Variants in CBR4 observed in about 807,000 individuals in gnomAD.
The protein encoded by CBR4 is 3-oxoacyl-[acyl-carrier-protein] reductase.
CBR4 carries 22 observed loss-of-function variants against 21.0 expected under a neutral mutation model. That is an observed-to-expected ratio of 1.05 (90% CI 0.75 to 1.50). The LOEUF (loss-of-function observed/expected upper bound fraction) is 1.50. CBR4 is among the 40% of genes most tolerant of loss of function. The probability of loss-of-function intolerance (pLI) is 0.00; values close to 1 mark genes in which losing one functional copy is unlikely to be tolerated. For missense variants in CBR4, 302 were observed against 286.3 expected (o/e 1.05, Z -0.40); for synonymous variants, 100 against 104.4 (o/e 0.96, Z 0.26).
rs1004537744 is a variant in CBR4 at position 168,922,900 on chromosome 4, G to A, written n.170-28135C>T. ...CAGTAATTGGAAGCAAAGTCTTTGG[G>A]GTCAGATCTGCTCCAGTCCCGGCTC... On this transcript the variant is annotated intron_variant and non_coding_transcript_variant, in intron 2 of 3. Transcript: ENST00000509108. Among the ~76,000 whole-genome samples the A allele has an allele frequency of 2.4e-4, 36 of 152,114 alleles. 1 individual carries two copies. Among genetic ancestry groups the A allele is most frequent in the African/African-American group, 8.2e-4 (34 of 41,418 alleles).
At chr4:168,922,535 G>C (rs951007267) in intron 2 of CBR4, among the ~76,000 whole-genome samples, 2 of 152,140 alleles carry the variant, frequency 1.3e-5, no homozygotes, top group East Asian at 3.9e-4. Flanking sequence ...GACTCCTAGT[G>C]CTCTTCTAAA....
intron 2 of CBR4, among the ~76,000 whole-genome samples, chr4:168,976,696 G>A (rs573435735): frequency 3.3e-5 from 5 of 152,304 alleles, no homozygotes; most frequent in South Asian, 2.1e-4. Context: ...TGTATCATAC[G>A]AAGTACATTC....
chr4:168,959,136 C>T (rs994482059), intron 2 of CBR4, among the ~76,000 whole-genome samples: 2 of 152,058 alleles, frequency 1.3e-5, no homozygotes, highest in African/African-American at 2.4e-5. Flanking sequence ...TCACTTTTGT[C>T]CTACATTTTC....
rs189021816 is a variant in CBR4 at position 168,924,283 on chromosome 4, T to A, written n.170-29518A>T. 28 of 1,614,014 alleles carry A rather than the reference T, an allele frequency of 1.7e-5. No individual in the cohort carries two copies. In the Admixed American group the frequency reaches 4.7e-4, roughly 27 times the overall value. ...AAGAAGCACACAAACCCCCTGTGTTTATTGAGAAGCTCCAAAACACAGGAG... is the reference window on the plus strand; with the variant it reads ...AAGAAGCACACAAACCCCCTGTGTTAATTGAGAAGCTCCAAAACACAGGAG... On this transcript the variant is annotated intron_variant and non_coding_transcript_variant, in intron 2 of 3. Transcript: ENST00000509108.
intron 2 of CBR4, among the ~76,000 whole-genome samples, chr4:168,942,448 T>G (rs889593003): frequency 1.3e-5 from 2 of 151,636 alleles, no homozygotes; most frequent in Non-Finnish European, 2.9e-5. Flanking sequence ...ATTTTAAAAT[T>G]CCACATTCAA....
chr4:168,946,014 T>C (rs1578917408), intron 2 of CBR4, among the ~76,000 whole-genome samples: 1 of 152,166 alleles, frequency 6.6e-6, no homozygotes, highest in Non-Finnish European at 1.5e-5. Context: ...TTTTGGTACT[T>C]CTGCAAGTCA....
chr4:168,940,746 A>G (rs1763240982), intron 2 of CBR4, among the ~76,000 whole-genome samples: 1 of 152,262 alleles, frequency 6.6e-6, no homozygotes, highest in Non-Finnish European at 1.5e-5. Flanking sequence ...ATCTCATGCC[A>G]GTTAAAATGG....
At chr4:168,965,428 A>G (rs1382013961) in intron 2 of CBR4, among the ~76,000 whole-genome samples, 1 of 152,228 alleles carries the variant, frequency 6.6e-6, no homozygotes, top group Non-Finnish European at 1.5e-5. Context: ...ACCAAAAAAG[A>G]GCCCACATAG....
chr4:168,996,634 T>G (rs1049693245), intron 4 of CBR4, among the ~76,000 whole-genome samples: 1 of 152,208 alleles, frequency 6.6e-6, no homozygotes, highest in South Asian at 2.1e-4. Flanking sequence ...TTTGGACAAA[T>G]GCATAATATC....
intron 2 of CBR4, chr4:168,897,970 T>G (rs1755599702): frequency 6.5e-6 from 1 of 152,798 alleles, no homozygotes. Flanking sequence ...CAAACATTTT[T>G]TTTTTTCTAT....
At chr4:169,006,662 C>G (rs988027713) in intron 3 of CBR4, 93 bp downstream of exon 3, 1 of 1,136,358 alleles carries the variant, frequency 8.8e-7, no homozygotes, top group African/African-American at 1.6e-5. Flanking sequence ...AAATTTCATT[C>G]ATGTTTCACA....
chr4:168,938,669 A>T (rs1193641736), intron 2 of CBR4, among the ~76,000 whole-genome samples: 1 of 152,246 alleles, frequency 6.6e-6, no homozygotes, highest in Non-Finnish European at 1.5e-5. Context: ...CCATCAGGGA[A>T]TCCTATAAAA....
chr4:168,925,964 T>TA (rs11357121), intron 2 of CBR4, among the ~76,000 whole-genome samples: 45 of 150,132 alleles, frequency 3.0e-4, no homozygotes, highest in South Asian at 4.2e-4. Context: ...AGTGTTTACT[T>TA]AAAAAAAAAA....
rs542342305 is a variant in CBR4, at chr4:168,910,639, C to T, written n.170-15874G>A. Among the ~76,000 whole-genome samples, 6 of 152,194 alleles carry T rather than the reference C, an allele frequency of 3.9e-5. No homozygotes were observed. In the East Asian group the frequency reaches 1.2e-3, roughly 29 times the overall value. ...GCCCGGTGCTTTACAAGTATTAATG[C>T]CTTTAATCTTCATAAGAACCCATTA... On this transcript the variant is annotated intron_variant and non_coding_transcript_variant, in intron 2 of 3. Transcript: ENST00000509108.
chr4:169,008,069 G>C (rs1378819781), intron 1 of CBR4, among the ~76,000 whole-genome samples: 1 of 152,166 alleles, frequency 6.6e-6, no homozygotes, highest in Non-Finnish European at 1.5e-5. Context: ...CTTTAACACT[G>C]AATTCATGCT....
At chr4:168,913,862 C>T in intron 2 of CBR4, 1 of 1,020,530 alleles carries the variant, frequency 9.8e-7, no homozygotes. Context: ...GGACAGTAGG[C>T]ATGATAGTGC....
At chr4:168,973,942 A>C (rs1426406616) in intron 2 of CBR4, among the ~76,000 whole-genome samples, 1 of 152,152 alleles carries the variant, frequency 6.6e-6, no homozygotes, top group South Asian at 2.1e-4. Context: ...GATGTAAGGT[A>C]CTATTCTATT....
In CBR4 at chr4:168,989,162, T is replaced by C. The variant is rs908973436; in HGVS notation, c.*988A>G. 4 of 966,122 alleles carry C rather than the reference T, an allele frequency of 4.1e-6. No homozygotes were observed. The African/African-American group carries it at 7.0e-5, about 17-fold the overall frequency. The allele number at this position is 966,122 out of a possible 1,614,324, so 59.8% of individuals were successfully genotyped here. A position where few individuals can be genotyped will look rare whatever the true frequency, so the allele number is the denominator to read the frequency against. ...CTTATTCATACAGAATTTATTACTT[T>C]CTAGAATTTTGGGATAAGAATCATA... On this transcript the variant is annotated 3_prime_UTR_variant, in exon 5 of 5. Coordinates refer to ENST00000306193, the MANE Select transcript of CBR4 (RefSeq NM_032783.5).
chr4:169,006,499 A>G (rs183423944), intron 3 of CBR4, among the ~76,000 whole-genome samples: 1 of 152,314 alleles, frequency 6.6e-6, no homozygotes, highest in African/African-American at 2.4e-5. Flanking sequence ...ATGAAGCTGG[A>G]TATCATTTAT....
Sources: allele counts gnomAD v4.1 joint callset (sites outside exome capture counted in the v4.1 genomes callset), GRCh38; gene constraint gnomAD v4.1.1; transcripts MANE v1.5; gene names NCBI Gene and HGNC (gene_info 2026-07-23, HGNC 2026-07-21).